Variants in CTNND2 observed in about 807,000 individuals in gnomAD.
CTNND2 encodes catenin delta 2, also known as catenin delta-2.
Under a neutral mutation model 144.4 loss-of-function variants are expected in CTNND2, and 22 were observed. The observed-to-expected ratio is 0.15, with a 90% CI of 0.11 to 0.22. CTNND2 has a LOEUF of 0.22. CTNND2 is among the 10% of genes least tolerant of loss of function. The probability of loss-of-function intolerance (pLI) is 1.00; values close to 1 mark genes in which losing one functional copy is unlikely to be tolerated. For synonymous variants in CTNND2, 751 were observed against 695.6 expected, an observed-to-expected ratio of 1.08 and a Z score of -1.25; for missense variants, 1,353 against 1,618.8, an observed-to-expected ratio of 0.84 and a Z score of 2.82.
chr5:11,521,663 G>A (rs1360239486), intron 3 of CTNND2, among the ~76,000 whole-genome samples: 4 of 152,194 alleles, frequency 2.6e-5, no homozygotes, highest in Non-Finnish European at 4.4e-5. Flanking sequence ...TAGGCATTTA[G>A]TAAATGTATA....
At chr5:11,422,682 T>C (rs1159373285) in intron 3 of CTNND2, among the ~76,000 whole-genome samples, 2 of 152,196 alleles carry the variant, frequency 1.3e-5, no homozygotes, top group Non-Finnish European at 2.9e-5. Flanking sequence ...AAAATAAATA[T>C]TCTAGTTTCT....
At chr5:11,239,236 G>A (rs978856848) in intron 9 of CTNND2, among the ~76,000 whole-genome samples, 1 of 152,254 alleles carries the variant, frequency 6.6e-6, no homozygotes, top group Non-Finnish European at 1.5e-5. Context: ...GAACCCTAGG[G>A]AACAGGTTTA....
chr5:11,501,587 C>T (rs79157360), intron 3 of CTNND2, among the ~76,000 whole-genome samples: 2,531 of 152,242 alleles, frequency 0.017, 72 homozygotes, highest in African/African-American at 0.058. Context: ...TGAATGTTTA[C>T]GTTGTCGCTC....
intron 16 of CTNND2, among the ~76,000 whole-genome samples, chr5:11,045,953 T>C (rs1667023196): frequency 6.6e-6 from 1 of 152,132 alleles, no homozygotes; most frequent in Admixed American, 6.5e-5. Context: ...CTTGGTGGTT[T>C]TAACCAGAAA....
chr5:11,158,115 AG>A (rs1758400948), intron 12 of CTNND2, among the ~76,000 whole-genome samples: 1 of 152,368 alleles, frequency 6.6e-6, no homozygotes, highest in African/African-American at 2.4e-5. Flanking sequence ...AGAGCTAGCC[AG>A]GTCCTTATTG....
intron 2 of CTNND2, among the ~76,000 whole-genome samples, chr5:11,566,820 G>A (rs1245970918): frequency 1.3e-5 from 2 of 152,198 alleles, no homozygotes; most frequent in African/African-American, 2.4e-5. Context: ...GGGTGACAAT[G>A]GGAGATGACT....
intron 3 of CTNND2, among the ~76,000 whole-genome samples, chr5:11,422,280 T>C (rs1320008363): frequency 6.6e-6 from 1 of 152,194 alleles, no homozygotes; most frequent in East Asian, 1.9e-4. Context: ...AAAAAGATGA[T>C]TTGCTTTAAA....
At position 11,487,647 on chromosome 5, in the gene CTNND2, T is replaced by G. The variant is rs573982545; in HGVS notation, c.288-75578A>C. On this transcript the variant is annotated intron_variant, in intron 3 of 21. Coordinates refer to ENST00000304623, the MANE Select transcript of CTNND2 (RefSeq NM_001332.4). Reference sequence around the variant, plus strand: ...GCAGACACCATTAAAAATTAAATTATATATGCTTATAATTAAATCATTTAT... The same window carrying G: ...GCAGACACCATTAAAAATTAAATTAGATATGCTTATAATTAAATCATTTAT... 1.5e-3 allele frequency among the ~76,000 whole-genome samples: 233 copies of G among 152,306 alleles called. 1 individual carries two copies. The highest frequency in any genetic ancestry group is 5.5e-3 in the African/African-American group (228 of 41,572).
At chr5:11,243,020 A>T (rs1742617774) in intron 9 of CTNND2, among the ~76,000 whole-genome samples, 1 of 152,210 alleles carries the variant, frequency 6.6e-6, no homozygotes, top group African/African-American at 2.4e-5. Context: ...GCCAAAAGGG[A>T]TACATTTCTC....
intron 2 of CTNND2, among the ~76,000 whole-genome samples, chr5:11,649,366 G>A (rs1782532554): frequency 6.6e-6 from 1 of 152,070 alleles, no homozygotes; most frequent in African/African-American, 2.4e-5. Context: ...CACCCAGGCT[G>A]GAGTGCAGTG....
intron 12 of CTNND2, among the ~76,000 whole-genome samples, chr5:11,143,373 G>T (rs62339093): frequency 0.082 from 12,471 of 152,164 alleles, 878 homozygotes; most frequent in East Asian, 0.35. Flanking sequence ...CAAGGTGTCT[G>T]CAGGGTTGGT....
rs146206655 is a variant in CTNND2, at chr5:11,253,020, T to A, written c.1629-16197A>T. Among the ~76,000 whole-genome samples the A allele has an allele frequency of 4.1e-4, 63 of 152,322 alleles. No homozygotes were observed. The East Asian group carries it at 0.012, about 28-fold the overall frequency. On this transcript the variant is annotated intron_variant, in intron 9 of 21. Coordinates refer to ENST00000304623, the MANE Select transcript of CTNND2 (RefSeq NM_001332.4). ...GCAATGAACTGTTTGCAAATAAATA[T>A]CTCTGCTATGCTTTCTCCATTTATA...
intron 3 of CTNND2, among the ~76,000 whole-genome samples, chr5:11,495,376 TTAAAA>T (rs1769834684): frequency 6.7e-6 from 1 of 149,774 alleles, no homozygotes; most frequent in Non-Finnish European, 1.5e-5. Context: ...TCTATCCCCT[TTAAAA>T]TAATTATTTA....
intron 3 of CTNND2, among the ~76,000 whole-genome samples, chr5:11,432,261 C>A (rs1763371384): frequency 6.8e-6 from 1 of 146,084 alleles, no homozygotes; most frequent in Admixed American, 6.7e-5. Context: ...CATAAATTGG[C>A]CATATGAGGA....
At chr5:11,083,805 C>G in intron 15 of CTNND2, 29 of 660,462 alleles carry the variant, frequency 4.4e-5, no homozygotes, top group Non-Finnish European at 5.6e-5. Flanking sequence ...CCAGTCCTTT[C>G]CCACCCAGTC....
intron 14 of CTNND2, among the ~76,000 whole-genome samples, chr5:11,107,073 A>T (rs187791427): frequency 6.6e-6 from 1 of 152,270 alleles, no homozygotes; most frequent in East Asian, 1.9e-4. Context: ...TAACTATAAG[A>T]CCTTATGAAT....
chr5:11,082,948 G>T, intron 15 of CTNND2, 102 bp from the exon 16 acceptor site: 1 of 1,322,782 alleles, frequency 7.6e-7, no homozygotes, highest in Non-Finnish European at 1.0e-6. Flanking sequence ...GAGCCAAAAA[G>T]GTTGAATTAC....
intron 3 of CTNND2, among the ~76,000 whole-genome samples, chr5:11,534,077 T>G (rs576803056): frequency 6.6e-6 from 1 of 152,314 alleles, no homozygotes; most frequent in East Asian, 1.9e-4. Flanking sequence ...ATCCTTTTAT[T>G]CTTAAATGGT....
chr5:11,505,901 C>T (rs1012881495), intron 3 of CTNND2, among the ~76,000 whole-genome samples: 4 of 152,116 alleles, frequency 2.6e-5, no homozygotes, highest in African/African-American at 4.8e-5. Flanking sequence ...GTGCCAGCTG[C>T]GTTGGGTTTT....
Sources: gnomAD v4.1 joint callset for allele counts (sites outside exome capture counted in the v4.1 genomes callset) on GRCh38, gnomAD v4.1.1 for gene constraint, MANE v1.5 for transcripts, NCBI Gene and HGNC (gene_info 2026-07-23, HGNC 2026-07-21) for gene names.